SECISBP2: variants seen among roughly 807,000 people sequenced by gnomAD.
SECISBP2 encodes SECIS binding protein 2.
In SECISBP2, 96 loss-of-function variants were observed where a neutral mutation model predicts 98.2. The ratio of observed to expected loss-of-function variants is 0.98; its 90% confidence interval spans 0.83 to 1.16. SECISBP2 has a LOEUF of 1.16. SECISBP2 is among the 50% of genes most tolerant of loss of function. The pLI is 0.00. For synonymous variants in SECISBP2, 407 were observed against 370.2 expected, an observed-to-expected ratio of 1.10 and a Z score of -1.14; for missense variants, 1,046 against 1,022.9, an observed-to-expected ratio of 1.02 and a Z score of -0.31.
downstream of SECISBP2, chr9:89,364,277 G>A (rs1009105535): frequency 2.0e-5 from 8 of 408,968 alleles, no homozygotes; most frequent in East Asian, 3.9e-4. Flanking sequence ...CCTTGGAACA[G>A]CATCCCACCC....
chr9:89,348,181 G>A lies in SECISBP2; in HGVS notation c.1705G>A (p.Asp569Asn). Residue 569 changes from aspartate to asparagine, a missense_variant, in exon 12 of 17, where the codon GAT becomes AAT. Asp to Asn is a conservative substitution (Grantham distance 23, BLOSUM62 1). Coordinates refer to ENST00000375807, the MANE Select transcript of SECISBP2 (RefSeq NM_024077.5). ...CACACAAGATGGAGAGAGTGGTGGT[G>A]ATGACCAGTTTCCCGAGCAGGCAGA... ...DDTQDGESGG[D>N]DQFPEQAELS... 6.2e-7 allele frequency: 1 copy of A among 1,614,234 alleles called. No homozygotes were observed. Among genetic ancestry groups the A allele is most frequent in the South Asian group, 1.1e-5 (1 of 91,082 alleles).
intron 15 of SECISBP2, 149 bp from the exon 16 acceptor site, chr9:89,357,850 G>A (rs1832333253): frequency 1.0e-6 from 1 of 957,882 alleles, no homozygotes; most frequent in Non-Finnish European, 1.6e-6. Flanking sequence ...TTCCTCTGGG[G>A]CAGCATCCCT....
the SECISBP2 span, among the ~76,000 whole-genome samples, chr9:89,366,214 G>A: frequency 6.6e-6 from 1 of 152,248 alleles, no homozygotes; most frequent in African/African-American, 2.4e-5. Flanking sequence ...ATGTATACAT[G>A]TGTGAACGTA....
chr9:89,355,036 T>G, intron 14 of SECISBP2: 2 of 985,380 alleles, frequency 2.0e-6, no homozygotes, highest in Non-Finnish European at 2.4e-6. Context: ...ACTTTGCAAA[T>G]GCTTTGGGTA....
intron 1 of SECISBP2, 69 bp downstream of exon 1, chr9:89,318,681 G>T: frequency 7.5e-7 from 1 of 1,334,780 alleles, no homozygotes; most frequent in Non-Finnish European, 9.6e-7. Context: ...GGGCTCGGCC[G>T]GGCGGTGACG....
chr9:89,332,172 T>C (rs1378238284), intron 5 of SECISBP2, among the ~76,000 whole-genome samples: 4 of 152,160 alleles, frequency 2.6e-5, no homozygotes, highest in East Asian at 3.8e-4. Flanking sequence ...GAGAGCAGTT[T>C]TAGGTTCACA....
downstream of SECISBP2, chr9:89,363,423 C>T: frequency 6.2e-7 from 1 of 1,611,898 alleles, no homozygotes; most frequent in African/African-American, 1.3e-5. Flanking sequence ...CGGCTGCGGC[C>T]ACTTACCCAC....
chr9:89,364,090 G>A (rs186555089), downstream of SECISBP2: 427 of 1,546,054 alleles, frequency 2.8e-4, 1 homozygote, highest in African/African-American at 4.9e-3. Flanking sequence ...CAGTCCCTGG[G>A]ACTGCCCTGG....
intron 9 of SECISBP2, 45 bp from the exon 10 acceptor site, chr9:89,341,302 G>A (rs1304519573): frequency 2.0e-5 from 31 of 1,566,556 alleles, no homozygotes; most frequent in Non-Finnish European, 2.6e-5. Context: ...GAAAAGCACA[G>A]TTTGTATAGT....
intron 8 of SECISBP2, among the ~76,000 whole-genome samples, chr9:89,338,965 C>T (rs76287944): frequency 6.6e-6 from 1 of 150,732 alleles, no homozygotes; most frequent in East Asian, 1.9e-4. Flanking sequence ...TTATAAAGTG[C>T]TTCATTATAG....
intron 10 of SECISBP2, among the ~76,000 whole-genome samples, chr9:89,342,427 C>T (rs571354331): frequency 3.3e-5 from 5 of 152,282 alleles, no homozygotes; most frequent in African/African-American, 9.6e-5. Context: ...CGATTTCACT[C>T]CTCAGCATTT....
At chr9:89,332,047 C>T (rs2131682044) in intron 5 of SECISBP2, among the ~76,000 whole-genome samples, 1 of 152,068 alleles carries the variant, frequency 6.6e-6, no homozygotes, top group South Asian at 2.1e-4. Context: ...TTTTAATTAG[C>T]ATATATTTTG....
At chr9:89,363,666 GT>G, downstream of SECISBP2, 2 of 1,593,086 alleles carry the variant, frequency 1.3e-6, no homozygotes, top group Non-Finnish European at 8.6e-7. Context: ...CTTTCCAGCT[GT>G]TTTTTTCACT....
chr9:89,344,160 G>A (rs1830097643), intron 10 of SECISBP2, among the ~76,000 whole-genome samples: 1 of 151,944 alleles, frequency 6.6e-6, no homozygotes, highest in Non-Finnish European at 1.5e-5. Context: ...CTTTTTAATG[G>A]GGTTTTTTTT....
In SECISBP2 at chr9:89,319,686, T is replaced by TC; in HGVS notation, c.75dup (p.Arg26GlnfsTer42). 1 of 1,614,210 alleles carries TC rather than the reference T, an allele frequency of 6.2e-7. No homozygotes were observed. The highest frequency in any genetic ancestry group is 2.2e-5 in the East Asian group (1 of 44,890). Reference sequence around the variant, plus strand: ...TTATCAGCAGATGTCAAACCATTTGTCCCCAGATTTGCCGGGCTCAATGTG... The same window carrying TC: ...TTATCAGCAGATGTCAAACCATTTGTCCCCCAGATTTGCCGGGCTCAATGTG... On this transcript the variant is annotated frameshift_variant, in exon 2 of 17. Coordinates refer to ENST00000375807, the MANE Select transcript of SECISBP2 (RefSeq NM_024077.5). LOFTEE classifies it high-confidence loss of function.
intron 10 of SECISBP2, among the ~76,000 whole-genome samples, chr9:89,345,834 A>AGTC (rs1243014951): frequency 6.6e-6 from 1 of 152,210 alleles, no homozygotes; most frequent in Non-Finnish European, 1.5e-5. Context: ...CCAGTCACAT[A>AGTC]GTCACATGTA....
At chr9:89,364,139 G>A (rs1833205170), downstream of SECISBP2, 1 of 1,241,032 alleles carries the variant, frequency 8.1e-7, no homozygotes, top group Non-Finnish European at 1.1e-6. Flanking sequence ...CTTGGCCTTG[G>A]CCCGTCCTGT....
chr9:89,328,099 C>T (rs1410862059), intron 4 of SECISBP2, among the ~76,000 whole-genome samples: 1 of 152,126 alleles, frequency 6.6e-6, no homozygotes, highest in African/African-American at 2.4e-5. Flanking sequence ...CTTGCCCTGG[C>T]CAAATTTTTC....
At chr9:89,340,057 G>A in intron 9 of SECISBP2, 104 bp downstream of exon 9, 4 of 814,544 alleles carry the variant, frequency 4.9e-6, no homozygotes, top group Non-Finnish European at 8.3e-6. Flanking sequence ...ATGGTGACAG[G>A]TGGTTTTGTT....
Sources: gnomAD v4.1 joint callset for allele counts (sites outside exome capture counted in the v4.1 genomes callset) on GRCh38, gnomAD v4.1.1 for gene constraint, MANE v1.5 for transcripts, NCBI Gene and HGNC (gene_info 2026-07-23, HGNC 2026-07-21) for gene names.